DZANK1: variants seen among roughly 807,000 people sequenced by gnomAD.
DZANK1 encodes the protein double zinc ribbon and ankyrin repeat domains 1, also known as double zinc ribbon and ankyrin repeat-containing protein 1.
In DZANK1, 91 loss-of-function variants were observed where a neutral mutation model predicts 94.5. The observed-to-expected ratio is 0.96, with a 90% CI of 0.81 to 1.15. DZANK1 has a LOEUF of 1.15. DZANK1 is among the 50% of genes most tolerant of loss of function. The probability of loss-of-function intolerance (pLI) is 0.00; values close to 1 mark genes in which losing one functional copy is unlikely to be tolerated. For synonymous variants in DZANK1, 312 were observed against 325.3 expected (o/e 0.96, Z 0.44); for missense variants, 903 against 916.4 (o/e 0.99, Z 0.19).
At chr20:18,402,323 G>A (rs2056729174) in intron 13 of DZANK1, among the ~76,000 whole-genome samples, 1 of 152,144 alleles carries the variant, frequency 6.6e-6, no homozygotes, top group Non-Finnish European at 1.5e-5. Context: ...TGAAGCTGGT[G>A]ATCAGCAGCT....
chr20:18,453,503 C>T (rs1384513759), intron 5 of DZANK1, among the ~76,000 whole-genome samples: 1 of 152,176 alleles, frequency 6.6e-6, no homozygotes, highest in Non-Finnish European at 1.5e-5. Flanking sequence ...CCCCATGGCT[C>T]CCGGCAGTGG....
chr20:18,415,705 A>G (rs2057459990), intron 10 of DZANK1, among the ~76,000 whole-genome samples: 1 of 152,174 alleles, frequency 6.6e-6, no homozygotes. Context: ...TGCACATCTT[A>G]ATATTTTTCA....
At chr20:18,442,438 G>A (rs985619200) in intron 8 of DZANK1, among the ~76,000 whole-genome samples, 5 of 151,482 alleles carry the variant, frequency 3.3e-5, no homozygotes, top group African/African-American at 1.2e-4. Flanking sequence ...GTTATAGTCT[G>A]TTTTTATTTA....
intron 2 of DZANK1, among the ~76,000 whole-genome samples, chr20:18,460,511 C>A (rs561328142): frequency 2.6e-5 from 4 of 152,074 alleles, no homozygotes; most frequent in Non-Finnish European, 1.5e-5. Flanking sequence ...GGGCGGATCA[C>A]GAGGTCAGGA....
chr20:18,385,449 T>G (rs1310566340), intron 19 of DZANK1, among the ~76,000 whole-genome samples: 2 of 151,944 alleles, frequency 1.3e-5, no homozygotes, highest in African/African-American at 4.8e-5. Flanking sequence ...GGAGTCTTGC[T>G]CTGTCACCCA....
At chr20:18,404,994 G>A (rs1361500764) in intron 13 of DZANK1, among the ~76,000 whole-genome samples, 1 of 151,834 alleles carries the variant, frequency 6.6e-6, no homozygotes. Flanking sequence ...AGGAGTTTGA[G>A]ACCAGCCTGG....
At position 18,393,698 on chromosome 20, in the gene DZANK1, A is replaced by C; in HGVS notation, c.1809+13T>G. ...GAAGACAACATCCACAAGGACCAAA[A>C]AAAGACACTTACTATAAGCTGCTCC... On this transcript the variant is annotated intron_variant, in intron 17 of 20. Transcript: ENST00000262547. 1 of 1,568,630 alleles carries C rather than the reference A, an allele frequency of 6.4e-7. No homozygotes were observed. The highest frequency in any genetic ancestry group is 1.1e-5 in the South Asian group (1 of 87,754).
chr20:18,461,447 T>C (rs1486314097), intron 2 of DZANK1, among the ~76,000 whole-genome samples: 2 of 152,200 alleles, frequency 1.3e-5, no homozygotes, highest in Non-Finnish European at 2.9e-5. Context: ...CATGGATCTT[T>C]AGGCTGTCTT....
intron 1 of DZANK1, among the ~76,000 whole-genome samples, chr20:18,465,671 A>G (rs2059623849): frequency 6.6e-6 from 1 of 152,210 alleles, no homozygotes; most frequent in Non-Finnish European, 1.5e-5. Context: ...AAGGCAAAAC[A>G]GAGACTATCA....
chr20:18,459,032 T>C (rs995554567), intron 3 of DZANK1, among the ~76,000 whole-genome samples: 7 of 152,244 alleles, frequency 4.6e-5, no homozygotes, highest in Admixed American at 4.6e-4. Context: ...TATTTTTTAC[T>C]CTCTCTTGAA....
At chr20:18,459,481 T>A (rs1327569070) in intron 3 of DZANK1, among the ~76,000 whole-genome samples, 2 of 152,136 alleles carry the variant, frequency 1.3e-5, no homozygotes, top group Non-Finnish European at 2.9e-5. Context: ...CTTTTAAATG[T>A]TCCCAAAATG....
intron 10 of DZANK1, among the ~76,000 whole-genome samples, chr20:18,426,043 T>C (rs2058026065): frequency 6.6e-6 from 1 of 152,102 alleles, no homozygotes; most frequent in South Asian, 2.1e-4. Flanking sequence ...TACACACCCA[T>C]TTGATACCGG....
chr20:18,449,036 A>C, exon 7 of DZANK1: 4 of 1,613,908 alleles, frequency 2.5e-6, no homozygotes, highest in Non-Finnish European at 3.4e-6. Context: ...CTTGTCAAAC[A>C]CTTCTGACCG....
intron 13 of DZANK1, 135 bp from the exon 14 acceptor site, chr20:18,398,761 C>A: frequency 1.3e-6 from 1 of 779,444 alleles, no homozygotes; most frequent in Non-Finnish European, 2.1e-6. Context: ...CCTTAGTGAA[C>A]CTCAACTATG....
intron 13 of DZANK1, among the ~76,000 whole-genome samples, chr20:18,406,123 C>A (rs1568910803): frequency 6.6e-6 from 1 of 152,228 alleles, no homozygotes; most frequent in Admixed American, 6.5e-5. Context: ...CAGTCTAGGA[C>A]ACAAAGACTG....
intron 8 of DZANK1, among the ~76,000 whole-genome samples, chr20:18,435,749 C>G (rs1046037973): frequency 6.7e-6 from 1 of 149,332 alleles, no homozygotes; most frequent in African/African-American, 2.5e-5. Context: ...TATCCCAGAA[C>G]TTAAAAGTAT....
At chr20:18,449,170 A>G in intron 6 of DZANK1, 101 bp from the exon 7 acceptor site, 1 of 924,078 alleles carries the variant, frequency 1.1e-6, no homozygotes, top group African/African-American at 1.6e-5. Context: ...ATTATGGGTG[A>G]ATACACATAG....
intron 2 of DZANK1, among the ~76,000 whole-genome samples, chr20:18,464,115 C>T (rs1488681855): frequency 4.6e-5 from 7 of 151,588 alleles, no homozygotes; most frequent in Non-Finnish European, 8.8e-5. Context: ...GTTCTGTCTC[C>T]CAGGCTGGAG....
Position 18,460,602 on chromosome 20 carries a change from G to A in DZANK1, c.110-296C>T, listed in dbSNP as rs915228458. On this transcript the variant is annotated intron_variant, in intron 2 of 20. Coordinates refer to ENST00000262547, the Ensembl canonical transcript of DZANK1. ...AAATTAGCCGGGCGTGGTGGCAGGC[G>A]CCTGTAGTCCCAGCTACTCAGGAGG... is the stretch of plus-strand genomic sequence containing the variant. 1.3e-4 allele frequency among the ~76,000 whole-genome samples: 20 copies of A among 152,160 alleles called. 1 individual carries two copies. The highest frequency in any genetic ancestry group is 4.1e-4 in the South Asian group (2 of 4,826).
Sources: gnomAD v4.1 joint callset for allele counts (sites outside exome capture counted in the v4.1 genomes callset) on GRCh38, gnomAD v4.1.1 for gene constraint, MANE v1.5 for transcripts, NCBI Gene and HGNC (gene_info 2026-07-23, HGNC 2026-07-21) for gene names.